The following GALNT17 variants were observed in gnomAD, a reference collection of about 807,000 sequenced individuals.
GALNT17 encodes polypeptide N-acetylgalactosaminyltransferase 17, also known as UDP-GalNAc:polypeptide N-acetylgalactosaminyltransferase-like 3.
In GALNT17, 29 loss-of-function variants were observed where a neutral mutation model predicts 63.7. The ratio of observed to expected loss-of-function variants is 0.46; its 90% CI spans 0.34 to 0.62. GALNT17 has a LOEUF of 0.62. Among genes scored for constraint, GALNT17 ranks in the 20% least tolerant of loss-of-function variants. The pLI is 0.01. For synonymous variants in GALNT17, 305 were observed against 318.3 expected (o/e 0.96, Z 0.45); for missense variants, 603 against 799.6 (o/e 0.75, Z 2.97).
intron 4 of GALNT17, among the ~76,000 whole-genome samples, chr7:71,419,177 C>A (rs1227994369): frequency 6.6e-6 from 1 of 152,216 alleles, no homozygotes; most frequent in Non-Finnish European, 1.5e-5. Context: ...CTGAATGCTT[C>A]TAATGCATGA....
At chr7:71,457,782 G>C (rs1339613883) in intron 5 of GALNT17, among the ~76,000 whole-genome samples, 1 of 152,106 alleles carries the variant, frequency 6.6e-6, no homozygotes, top group Non-Finnish European at 1.5e-5. Flanking sequence ...AAGTTTTTAT[G>C]ACCTGTATCT....
chr7:71,373,545 C>T (rs73360138), intron 2 of GALNT17, among the ~76,000 whole-genome samples: 6,098 of 152,162 alleles, frequency 0.04, 348 homozygotes, highest in African/African-American at 0.12. Flanking sequence ...AGGTGAGCGG[C>T]GGGTGAGCAA....
chr7:71,388,811 G>T (rs1304977406), intron 3 of GALNT17, among the ~76,000 whole-genome samples: 2 of 152,006 alleles, frequency 1.3e-5, no homozygotes, highest in Non-Finnish European at 2.9e-5. Context: ...ACAGGAGTGT[G>T]CCACCGTGCC....
Position 71,249,268 on chromosome 7 carries a change from A to T in GALNT17, c.239-86282A>T, listed in dbSNP as rs541858446. Among the ~76,000 whole-genome samples, 355 of 152,280 alleles carry T rather than the reference A, an allele frequency of 2.3e-3. 3 individuals are homozygous for T. The highest frequency in any genetic ancestry group is 3.8e-3 in the Non-Finnish European group (261 of 68,014). ...TGTTTATAATGTCTTACCTCTTTTT[A>T]GCACTTTGTCCTTCTTTCAAAGCAT... is the stretch of plus-strand genomic sequence containing the variant. On this transcript the variant is annotated intron_variant, in intron 1 of 10. Coordinates refer to ENST00000333538, the MANE Select transcript of GALNT17 (RefSeq NM_022479.3).
intron 5 of GALNT17, among the ~76,000 whole-genome samples, chr7:71,564,258 CT>C (rs1364074639): frequency 8.2e-6 from 1 of 121,630 alleles, no homozygotes; most frequent in African/African-American, 3.0e-5. Flanking sequence ...AATTTTCTTT[CT>C]TTTTTTTTCT....
At chr7:71,612,109 T>C (rs557032162) in intron 6 of GALNT17, among the ~76,000 whole-genome samples, 3 of 152,204 alleles carry the variant, frequency 2.0e-5, no homozygotes, top group Non-Finnish European at 4.4e-5. Context: ...GTACATTAAA[T>C]TCAAATGGAA....
chr7:71,166,892 T>TTTTAAAAGACA (rs1186876586), intron 1 of GALNT17, among the ~76,000 whole-genome samples: 2 of 152,108 alleles, frequency 1.3e-5, no homozygotes, highest in African/African-American at 4.8e-5. Context: ...AGTGTGTATT[T>TTTTAAAAGACA]AACTGTTTTT....
chr7:71,218,178 G>C (rs1250069856), intron 1 of GALNT17, among the ~76,000 whole-genome samples: 5 of 152,178 alleles, frequency 3.3e-5, no homozygotes, highest in Non-Finnish European at 5.9e-5. Context: ...TGGATCACTT[G>C]AGGTCAGGAG....
intron 1 of GALNT17, among the ~76,000 whole-genome samples, chr7:71,281,366 G>A (rs1790774429): frequency 1.3e-5 from 2 of 152,142 alleles, no homozygotes; most frequent in African/African-American, 4.8e-5. Flanking sequence ...ATGTCATTTA[G>A]CTAGAAGGAT....
intron 1 of GALNT17, among the ~76,000 whole-genome samples, chr7:71,263,370 C>T (rs746303617): frequency 6.6e-6 from 1 of 151,914 alleles, no homozygotes; most frequent in African/African-American, 2.4e-5. Context: ...CAAAACAAAA[C>T]AAAAAAACAA....
chr7:71,667,176 TG>T lies in GALNT17; in HGVS notation c.1266+1581del, dbSNP rs548467329. On this transcript the variant is annotated intron_variant, in intron 7 of 10. Coordinates refer to ENST00000333538, the MANE Select transcript of GALNT17 (RefSeq NM_022479.3). The stretch of plus-strand genomic sequence containing the variant: ...GCCCATTGAGAGATGGCAGCCCCTA[TG>T]TATCAGGAGGCTAGAGCCCAGAACA... Among the ~76,000 whole-genome samples the T allele has an allele frequency of 1.7e-4, 26 of 152,342 alleles. 1 individual carries two copies. The Middle Eastern group carries it at 0.01, about 60-fold the overall frequency.
chr7:71,188,466 T>C (rs1234506836), intron 1 of GALNT17, among the ~76,000 whole-genome samples: 1 of 152,238 alleles, frequency 6.6e-6, no homozygotes, highest in African/African-American at 2.4e-5. Flanking sequence ...TTGATTTGCA[T>C]TTTCCTGATC....
At chr7:71,571,976 C>T (rs1444072706) in intron 6 of GALNT17, among the ~76,000 whole-genome samples, 1 of 151,836 alleles carries the variant, frequency 6.6e-6, no homozygotes, top group African/African-American at 2.4e-5. Context: ...GGCATCACTG[C>T]ACTCTAGCCT....
Position 71,588,862 on chromosome 7 carries a change from G to A in GALNT17, c.1080+17460G>A, listed in dbSNP as rs555041132. Reference sequence around the variant, plus strand: ...CTGGGGAAAAATCCAAGAACTTCCAGACATAAGAAAAAAAAAAATCCTCCA... The same window carrying A: ...CTGGGGAAAAATCCAAGAACTTCCAAACATAAGAAAAAAAAAAATCCTCCA... On this transcript the variant is annotated intron_variant, in intron 6 of 10. Transcript: ENST00000333538. Among the ~76,000 whole-genome samples, 21 of 150,992 alleles carry A rather than the reference G, an allele frequency of 1.4e-4. No homozygotes were observed. In the East Asian group the frequency reaches 4.1e-3, roughly 29 times the overall value.
chr7:71,400,821 C>G (rs963309633), intron 3 of GALNT17, among the ~76,000 whole-genome samples: 13 of 152,168 alleles, frequency 8.5e-5, no homozygotes, highest in Non-Finnish European at 5.9e-5. Context: ...AGGCAGGAGT[C>G]AAAGAGGACC....
At chr7:71,694,647 C>A (rs1181754091) in intron 9 of GALNT17, among the ~76,000 whole-genome samples, 2 of 152,206 alleles carry the variant, frequency 1.3e-5, no homozygotes, top group African/African-American at 2.4e-5. Context: ...TCGCCCGCCT[C>A]GGCCTCCTAA....
chr7:71,539,249 G>GT (rs1378796408), intron 5 of GALNT17, among the ~76,000 whole-genome samples: 1 of 152,098 alleles, frequency 6.6e-6, no homozygotes, highest in Non-Finnish European at 1.5e-5. Flanking sequence ...ATACTCATTG[G>GT]TTTTTGATCC....
intron 6 of GALNT17, among the ~76,000 whole-genome samples, chr7:71,612,844 C>T (rs965351272): frequency 6.6e-6 from 1 of 152,186 alleles, no homozygotes; most frequent in Non-Finnish European, 1.5e-5. Flanking sequence ...AAATTCCCTG[C>T]ATGAACCATT....
intron 5 of GALNT17, among the ~76,000 whole-genome samples, chr7:71,512,076 C>T (rs192238720): frequency 6.9e-6 from 1 of 145,344 alleles, no homozygotes; most frequent in Admixed American, 7.0e-5. Context: ...TGTACTGACT[C>T]ACTGCAACAT....
Sources: allele counts gnomAD v4.1 joint callset (sites outside exome capture counted in the v4.1 genomes callset), GRCh38; gene constraint gnomAD v4.1.1; transcripts MANE v1.5; gene names NCBI Gene and HGNC (gene_info 2026-07-23, HGNC 2026-07-21).